Variants in DNM1 observed in about 807,000 individuals in gnomAD.
DNM1 encodes the protein dynamin 1.
DNM1 carries 29 observed loss-of-function variants against 104.6 expected under a neutral mutation model. The ratio of observed to expected loss-of-function variants is 0.28; its 90% confidence interval spans 0.21 to 0.38. The LOEUF is 0.38. DNM1 is among the 10% of genes least tolerant of loss of function. DNM1 has a pLI of 1.00. For missense variants in DNM1, 640 were observed against 1,189.4 expected, an observed-to-expected ratio of 0.54 and a Z score of 6.79; for synonymous variants, 445 against 475.8, an observed-to-expected ratio of 0.94 and a Z score of 0.84.
At chr9:128,239,961 G>T (rs769649467) in intron 13 of DNM1, 24 bp from the exon 14 acceptor site, 8 of 1,613,952 alleles carry the variant, frequency 5.0e-6, no homozygotes, top group Non-Finnish European at 6.8e-6. Context: ...GCCTCTCGTG[G>T]TTGCTATGGT....
Position 128,247,856 on chromosome 9 carries a change from CTG to C in DNM1, c.1894-64_1894-63del, listed in dbSNP as rs1836922345. 1.9e-6 allele frequency: 3 copies of C among 1,595,818 alleles called. No individual in the cohort carries two copies. The highest frequency in any genetic ancestry group is 2.6e-6 in the Non-Finnish European group (3 of 1,168,862). ...CACTCAATCTCTCCCCTTTTCCTCT[CTG>C]TGTTTCCTTCGGCTGTGCTCCCTGG... On this transcript the variant is annotated intron_variant, in intron 17 of 21. Coordinates refer to ENST00000372923, the MANE Select transcript of DNM1 (RefSeq NM_004408.4). This position sits in a 1 kb window ranked among gnomAD's most constrained non-coding sequence, Gnocchi z 5.1.
In DNM1 at chr9:128,218,904, G is replaced by A. The variant is rs1429763408; in HGVS notation, c.386-145G>A. The A allele has an allele frequency of 2.3e-6, 3 of 1,285,276 alleles. No homozygotes were observed. Among genetic ancestry groups the A allele is most frequent in the African/African-American group, 2.9e-5 (2 of 67,910 alleles). The allele number at this position is 1,285,276 out of a possible 1,614,324, so 79.6% of individuals were successfully genotyped here. A position where few individuals can be genotyped will look rare whatever the true frequency, so the allele number is the denominator to read the frequency against. ...CCCACTTCCGGCCACGCCTCCAACA[G>A]ACTGCCACTTTCGCCCTGAGATTTC... is the stretch of plus-strand genomic sequence containing the variant. On this transcript the variant is annotated intron_variant, in intron 3 of 21. Coordinates refer to ENST00000372923, the MANE Select transcript of DNM1 (RefSeq NM_004408.4). This position sits in a 1 kb window ranked among gnomAD's most constrained non-coding sequence, Gnocchi z 4.8.
At chr9:128,226,267 C>T (rs1835336656) in intron 10 of DNM1, 9 of 1,544,458 alleles carry the variant, frequency 5.8e-6, no homozygotes, top group African/African-American at 2.7e-5. Flanking sequence ...GCCGGCCTCA[C>T]GGCTACCCGC....
intron 16 of DNM1, chr9:128,246,841 G>T: frequency 2.6e-6 from 1 of 378,034 alleles, no homozygotes; most frequent in Non-Finnish European, 5.0e-6. Context: ...ATAGTCACTG[G>T]TATAGTGCAT....
Position 128,248,470 on chromosome 9 carries a change from T to G in DNM1, c.1906-113T>G. ...CCAGGTATGTATTCAGGCCAGTCGC[T>G]TCTCTCTGTGCCTCAATATTCTGGG... On this transcript the variant is annotated intron_variant, in intron 18 of 21. Transcript: ENST00000372923. This position sits in a 1 kb window ranked among gnomAD's most constrained non-coding sequence, Gnocchi z 5.6. 1 of 1,290,988 alleles carries G rather than the reference T, an allele frequency of 7.7e-7. No individual in the cohort carries two copies. The allele number at this position is 1,290,988 out of a possible 1,614,324, so 80.0% of individuals were successfully genotyped here. A position where few individuals can be genotyped will look rare whatever the true frequency, so the allele number is the denominator to read the frequency against.
chr9:128,216,277 GA>G (rs1834600133), intron 1 of DNM1, among the ~76,000 whole-genome samples: 2 of 152,302 alleles, frequency 1.3e-5, no homozygotes, highest in African/African-American at 4.8e-5. Context: ...ATTGAATGAG[GA>G]AGTTTCCAGG....
intron 10 of DNM1, chr9:128,231,845 G>C: frequency 2.9e-6 from 1 of 345,430 alleles, no homozygotes; most frequent in South Asian, 2.1e-5. Context: ...ATTTTTCTAA[G>C]GAGAGTCAGC....
In DNM1 at chr9:128,253,887, G is replaced by A. The variant is rs1468642131; in HGVS notation, c.2535-767G>A. 8.1e-7 allele frequency: 1 copy of A among 1,228,304 alleles called. No individual in the cohort carries two copies. Among genetic ancestry groups the A allele is most frequent in the African/African-American group, 1.6e-5 (1 of 64,252 alleles). 76.1% of individuals were successfully genotyped at this position (1,228,304 alleles called of 1,614,324 possible). A position where few individuals can be genotyped will look rare whatever the true frequency, so the allele number is the denominator to read the frequency against. ...CACGCACCTTGGCCTGTTGCTCCTA[G>A]GGTCACTTGTGCCATTCAGCCAAGG... On this transcript the variant is annotated intron_variant, in intron 21 of 21. Transcript: ENST00000372923. This position sits in a 1 kb window ranked among gnomAD's most constrained non-coding sequence, Gnocchi z 5.9.
chr9:128,233,725 C>A, intron 10 of DNM1: 2 of 488,220 alleles, frequency 4.1e-6, no homozygotes, highest in South Asian at 4.4e-5. Context: ...ATTCCCATGG[C>A]CTTTCTCCCA....
At chr9:128,235,507 A>AG (rs1554779471) in intron 11 of DNM1, among the ~76,000 whole-genome samples, 3 of 152,044 alleles carry the variant, frequency 2.0e-5, no homozygotes, top group Non-Finnish European at 4.4e-5. Flanking sequence ...AAAAAAAAAA[A>AG]GCTGCTTCCT....
intron 16 of DNM1, chr9:128,246,790 T>G: frequency 4.6e-6 from 2 of 432,448 alleles, no homozygotes; most frequent in Admixed American, 3.5e-5. Context: ...CTTCCTTCCA[T>G]TCTCCCCTTC....
intron 19 of DNM1, 78 bp from the exon 20 acceptor site, chr9:128,250,036 TC>T: frequency 6.2e-7 from 1 of 1,606,860 alleles, no homozygotes; most frequent in Non-Finnish European, 8.5e-7. Context: ...CAGCTCACAG[TC>T]CCAGCAGGGC....
chr9:128,218,640 C>T lies in DNM1; in HGVS notation c.294C>T (p.Arg98=), dbSNP rs969111793. Residue 98 remains arginine, a synonymous_variant, in exon 3 of 22, where the codon CGC becomes CGT. Transcript: ENST00000372923. This position sits in a 1 kb window ranked among gnomAD's most constrained non-coding sequence, Gnocchi z 4.8. The part of the protein sequence containing the change: ...GKKFTDFEEV[R]LEIEAETDRV... ...AATTCACCGACTTCGAGGAGGTGCG[C>T]CTTGAGATCGAGGCCGAGACCGACA... The T allele has an allele frequency of 5.0e-6, 8 of 1,613,762 alleles. No individual in the cohort carries two copies. Among genetic ancestry groups the T allele is most frequent in the Non-Finnish European group, 6.8e-6 (8 of 1,179,772 alleles).
At chr9:128,228,063 CAG>C (rs1367441808) in intron 10 of DNM1, among the ~76,000 whole-genome samples, 1 of 151,624 alleles carries the variant, frequency 6.6e-6, no homozygotes, top group Admixed American at 6.6e-5. Context: ...TTTTTTGAGA[CAG>C]AGTTTCACGC....
Position 128,222,256 on chromosome 9 carries a change from G to C in DNM1, c.909G>C (p.Gln303His). Residue 303 changes from glutamine to histidine, a missense_variant, in exon 7 of 22, where the codon CAG becomes CAC. Around this residue, in one of 7 missense-constraint regions of DNM1, gnomAD observed 81 missense variants for 99.8 expected, o/e 0.81. Transcript: ENST00000372923. The surrounding 1 kb of genome is among the most constrained non-coding windows in gnomAD (Gnocchi z 7.8). ...LPGLRNKLQS[Q>H]LLSIEKEVEE... is the part of the protein sequence containing the mutation. ...GGCTGCGGAACAAGCTGCAGAGCCA[G>C]CTACTGTCCATTGAGAAGGAGGTGG... The C allele has an allele frequency of 6.2e-7, 1 of 1,614,200 alleles. No homozygotes were observed. The highest frequency in any genetic ancestry group is 8.5e-7 in the Non-Finnish European group (1 of 1,180,026).
At chr9:128,238,352 G>A (rs1457390358) in intron 11 of DNM1, among the ~76,000 whole-genome samples, 1 of 152,112 alleles carries the variant, frequency 6.6e-6, no homozygotes, top group Non-Finnish European at 1.5e-5. Context: ...AGCCTCCCAA[G>A]TAGCTGGGAT....
intron 11 of DNM1, among the ~76,000 whole-genome samples, chr9:128,237,266 C>T (rs1389605742): frequency 1.4e-5 from 2 of 147,008 alleles, no homozygotes; most frequent in Non-Finnish European, 3.0e-5. Flanking sequence ...TATCCTTGTT[C>T]TTTTTTTTTT....
At chr9:128,205,353 T>G (rs1833872575) in intron 1 of DNM1, among the ~76,000 whole-genome samples, 1 of 152,212 alleles carries the variant, frequency 6.6e-6, no homozygotes, top group African/African-American at 2.4e-5. Context: ...CCGCATCTAC[T>G]GAGCCCATCC....
At position 128,248,566 on chromosome 9, in the gene DNM1, T is replaced by C. The variant is rs191460911; in HGVS notation, c.1906-17T>C. The C allele has an allele frequency of 4.7e-4, 758 of 1,610,172 alleles. 5 individuals are homozygous for C. The African/African-American group carries it at 8.4e-3, about 18-fold the overall frequency. Reference sequence around the variant, plus strand: ...GCATGGCCTGGCCACCTGATGCCCTTGTGTTCTCCATGGCAGGCCAGCGAG... The same window carrying C: ...GCATGGCCTGGCCACCTGATGCCCTCGTGTTCTCCATGGCAGGCCAGCGAG... On this transcript the variant is annotated splice_polypyrimidine_tract_variant and intron_variant, in intron 18 of 21. Coordinates refer to ENST00000372923, the MANE Select transcript of DNM1 (RefSeq NM_004408.4). This position sits in a 1 kb window ranked among gnomAD's most constrained non-coding sequence, Gnocchi z 5.6.
Sources: allele counts gnomAD v4.1 joint callset (sites outside exome capture counted in the v4.1 genomes callset), GRCh38; gene constraint gnomAD v4.1.1; regional missense constraint gnomAD v4.1.1; non-coding constraint Gnocchi (gnomAD v3.1); transcripts MANE v1.5; gene names NCBI Gene and HGNC (gene_info 2026-07-23, HGNC 2026-07-21).